PRDM5: variants seen among roughly 807,000 people sequenced by gnomAD.
PRDM5 encodes the protein PR/SET domain 5, also known as PR domain zinc finger protein 5.
Under a neutral mutation model 81.2 loss-of-function variants are expected in PRDM5, and 56 were observed. That is an observed-to-expected ratio of 0.69 (90% CI 0.56 to 0.86). The LOEUF (loss-of-function observed/expected upper bound fraction) is 0.86. Ranked by LOEUF, PRDM5 falls within the 40% of genes least tolerant of loss-of-function variation. The pLI is 0.00. For synonymous variants in PRDM5, 267 were observed against 256.4 expected (o/e 1.04, Z -0.39); for missense variants, 697 against 770.1 (o/e 0.91, Z 1.12).
intron 10 of PRDM5, among the ~76,000 whole-genome samples, chr4:120,791,657 A>C (rs1436645196): frequency 6.6e-6 from 1 of 151,966 alleles, no homozygotes; most frequent in Non-Finnish European, 1.5e-5. Context: ...ACCTTTTCCA[A>C]TTCTGACCCT....
At chr4:120,885,924 T>G (rs1353421165) in intron 2 of PRDM5, 1 of 152,192 alleles carries the variant, frequency 6.6e-6, no homozygotes, top group African/African-American at 2.4e-5. Flanking sequence ...GGCTTCTAAT[T>G]CCAAGCATTC....
intron 11 of PRDM5, among the ~76,000 whole-genome samples, chr4:120,783,320 C>T (rs890350246): frequency 9.2e-5 from 14 of 152,002 alleles, no homozygotes; most frequent in African/African-American, 3.1e-4. Context: ...CCAAATGTCA[C>T]GATGCATCTT....
At chr4:120,865,759 A>G (rs1391847670) in intron 2 of PRDM5, among the ~76,000 whole-genome samples, 1 of 152,076 alleles carries the variant, frequency 6.6e-6, no homozygotes, top group Admixed American at 6.6e-5. Context: ...GTCCTCATAC[A>G]CTGATCTCCG....
At chr4:120,749,823 C>A (rs17347448) in intron 14 of PRDM5, among the ~76,000 whole-genome samples, 8,393 of 152,260 alleles carry the variant, frequency 0.055, 346 homozygotes, top group Middle Eastern at 0.095. Flanking sequence ...TGCTCTTGCC[C>A]AAGAACCCCA....
intron 1 of PRDM5, among the ~76,000 whole-genome samples, chr4:120,917,180 G>A (rs1021216508): frequency 1.3e-5 from 2 of 152,100 alleles, no homozygotes; most frequent in Non-Finnish European, 2.9e-5. Flanking sequence ...CAGCCACACT[G>A]ACCTCCTTGT....
chr4:120,819,510 T>TA (rs1754985051), intron 4 of PRDM5, among the ~76,000 whole-genome samples: 1 of 151,942 alleles, frequency 6.6e-6, no homozygotes, highest in Non-Finnish European at 1.5e-5. Flanking sequence ...CCCTAAAACT[T>TA]AAAGTATAAT....
At chr4:120,732,132 G>C (rs934291101) in intron 14 of PRDM5, among the ~76,000 whole-genome samples, 1 of 152,056 alleles carries the variant, frequency 6.6e-6, no homozygotes, top group East Asian at 1.9e-4. Flanking sequence ...ACCATATGGA[G>C]GTCATCTAAA....
chr4:120,836,756 T>C (rs911739559), intron 3 of PRDM5, among the ~76,000 whole-genome samples: 4 of 152,170 alleles, frequency 2.6e-5, no homozygotes, highest in Non-Finnish European at 5.9e-5. Context: ...TGAAAAGCTC[T>C]TTGTTCCACC....
At chr4:120,776,593 T>C (rs778855441) in intron 13 of PRDM5, among the ~76,000 whole-genome samples, 3 of 152,210 alleles carry the variant, frequency 2.0e-5, no homozygotes, top group Non-Finnish European at 4.4e-5. Context: ...GGCTTATCTA[T>C]GTGATAGGTA....
At chr4:120,772,919 A>G (rs912466920) in intron 13 of PRDM5, among the ~76,000 whole-genome samples, 1 of 152,226 alleles carries the variant, frequency 6.6e-6, no homozygotes, top group African/African-American at 2.4e-5. Context: ...AGTGACTTCA[A>G]TTTGTAATAC....
intron 15 of PRDM5, among the ~76,000 whole-genome samples, chr4:120,704,949 T>A (rs566784644): frequency 6.6e-6 from 1 of 152,218 alleles, no homozygotes; most frequent in South Asian, 2.1e-4. Context: ...AGAAATAAAT[T>A]GAAAATAATT....
intron 14 of PRDM5, among the ~76,000 whole-genome samples, chr4:120,748,612 G>A (rs1481017068): frequency 6.6e-6 from 1 of 151,410 alleles, no homozygotes; most frequent in Admixed American, 6.6e-5. Context: ...CTACACTCCA[G>A]TCTGGGCAGC....
chr4:120,857,947 C>T (rs1010199597), intron 2 of PRDM5, among the ~76,000 whole-genome samples: 5 of 152,080 alleles, frequency 3.3e-5, no homozygotes, highest in African/African-American at 1.2e-4. Flanking sequence ...TCCATCAAGG[C>T]TCCAAGAGCA....
intron 14 of PRDM5, among the ~76,000 whole-genome samples, chr4:120,753,497 G>T (rs979729907): frequency 6.6e-6 from 1 of 152,120 alleles, no homozygotes; most frequent in Admixed American, 6.6e-5. Context: ...AAGACAAAAA[G>T]AGTATTTTCT....
intron 13 of PRDM5, among the ~76,000 whole-genome samples, chr4:120,769,180 A>C (rs1314736245): frequency 6.6e-6 from 1 of 152,202 alleles, no homozygotes; most frequent in African/African-American, 2.4e-5. Flanking sequence ...AAGTTATTTT[A>C]TCTATTGAAT....
intron 14 of PRDM5, among the ~76,000 whole-genome samples, chr4:120,726,044 C>T (rs1279406316): frequency 6.6e-6 from 1 of 152,104 alleles, no homozygotes; most frequent in African/African-American, 2.4e-5. Context: ...GGCTGCTCAC[C>T]CGAGTGGGCA....
intron 1 of PRDM5, among the ~76,000 whole-genome samples, chr4:120,911,067 C>T (rs1200692703): frequency 6.6e-6 from 1 of 152,148 alleles, no homozygotes; most frequent in African/African-American, 2.4e-5. Context: ...ACCTCAAACA[C>T]TTACAAGTTA....
At chr4:120,908,127 C>A (rs938944999) in intron 1 of PRDM5, among the ~76,000 whole-genome samples, 3 of 152,192 alleles carry the variant, frequency 2.0e-5, no homozygotes, top group Admixed American at 2.0e-4. Flanking sequence ...GAGAAACACC[C>A]GTGTTACTAG....
At chr4:120,830,885 C>A (rs897586874) in intron 3 of PRDM5, among the ~76,000 whole-genome samples, 3 of 151,870 alleles carry the variant, frequency 2.0e-5, no homozygotes, top group African/African-American at 7.3e-5. Context: ...TCACAAATTA[C>A]TAACATATAT....
Sources: gnomAD v4.1 joint callset for allele counts (sites outside exome capture counted in the v4.1 genomes callset) on GRCh38, gnomAD v4.1.1 for gene constraint, MANE v1.5 for transcripts, NCBI Gene and HGNC (gene_info 2026-07-23, HGNC 2026-07-21) for gene names.